DAO: variants seen among roughly 807,000 people sequenced by gnomAD.
The protein encoded by DAO is D-amino acid oxidase.
A neutral mutation model predicts 50.1 loss-of-function variants in DAO; 51 were observed. That is an observed-to-expected ratio of 1.02 (90% CI 0.81 to 1.29). The LOEUF (loss-of-function observed/expected upper bound fraction) is 1.29. Among genes scored for constraint, DAO ranks in the 50% most tolerant of loss-of-function variants. The pLI is 0.00. For missense variants in DAO, 436 were observed against 439.4 expected, an observed-to-expected ratio of 0.99 and a Z score of 0.07; for synonymous variants, 160 against 166.2, an observed-to-expected ratio of 0.96 and a Z score of 0.29.
At chr12:108,887,353 C>G in intron 2 of DAO, 97 bp from the exon 3 acceptor site, 2 of 883,564 alleles carry the variant, frequency 2.3e-6, no homozygotes, top group Non-Finnish European at 3.9e-6. Context: ...GGACACACCC[C>G]AAGCTCCTGA....
chr12:108,890,403 G>A (rs893404605), intron 5 of DAO, 130 bp downstream of exon 5: 23 of 733,542 alleles, frequency 3.1e-5, no homozygotes, highest in South Asian at 7.2e-5. Flanking sequence ...CCTGGTGTGG[G>A]AGCTATCCTT....
intron 1 of DAO, among the ~76,000 whole-genome samples, chr12:108,880,681 T>C (rs2039367690): frequency 1.3e-5 from 2 of 152,030 alleles, no homozygotes. Flanking sequence ...GAACTAATTA[T>C]GTTCATTCAA....
In DAO at chr12:108,899,379, T is replaced by C; in HGVS notation, c.816T>C (p.Asn272=). The C allele has an allele frequency of 6.2e-7, 1 of 1,612,786 alleles. No individual in the cohort carries two copies. The highest frequency in any genetic ancestry group is 8.5e-7 in the Non-Finnish European group (1 of 1,179,360). ...GCCRLEPTLK[N]ARIIGERTGF... is the part of the protein sequence containing the mutation. ...GTGATCAGCACTTTTCTTTCCAGAA[T>C]GCAAGAATTATTGGTGAACGAACTG... The change falls in exon 10 of 11, where the codon AAT becomes AAC. Residue 272 remains asparagine (N), a splice_region_variant and synonymous_variant. Coordinates refer to ENST00000228476, the MANE Select transcript of DAO (RefSeq NM_001917.5).
intron 2 of DAO, among the ~76,000 whole-genome samples, chr12:108,885,684 C>T (rs974272124): frequency 6.6e-6 from 1 of 152,176 alleles, no homozygotes; most frequent in South Asian, 2.1e-4. Flanking sequence ...GTCTCGTCTT[C>T]CCTAAACTGG....
At chr12:108,891,652 G>A (rs1398922728) in intron 5 of DAO, among the ~76,000 whole-genome samples, 3 of 151,858 alleles carry the variant, frequency 2.0e-5, no homozygotes, top group Non-Finnish European at 4.4e-5. Context: ...GGAGTGGGAT[G>A]TAGTGGTATG....
intron 3 of DAO, among the ~76,000 whole-genome samples, chr12:108,889,127 A>T (rs1427846764): frequency 6.8e-6 from 1 of 148,010 alleles, no homozygotes; most frequent in Non-Finnish European, 1.5e-5. Flanking sequence ...TTTTTTTGAG[A>T]TGAAGTCTCG....
chr12:108,881,768 C>A (rs1227306292), intron 1 of DAO, among the ~76,000 whole-genome samples: 1 of 151,750 alleles, frequency 6.6e-6, no homozygotes, highest in Non-Finnish European at 1.5e-5. Flanking sequence ...CCATGCCAAG[C>A]TAATTTTTTT....
At chr12:108,890,753 C>T (rs898333710) in intron 5 of DAO, among the ~76,000 whole-genome samples, 1 of 152,142 alleles carries the variant, frequency 6.6e-6, no homozygotes, top group Admixed American at 6.5e-5. Flanking sequence ...TCTAAATTAG[C>T]AAACACTCAC....
intron 1 of DAO, 97 bp downstream of exon 1, chr12:108,880,321 C>T (rs2039363174): frequency 2.8e-6 from 1 of 358,990 alleles, no homozygotes; most frequent in South Asian, 2.1e-5. Flanking sequence ...CAGGGCTCAA[C>T]ATTACAGCCT....
intron 10 of DAO, 127 bp downstream of exon 10, chr12:108,899,602 G>A (rs975872727): frequency 1.2e-6 from 1 of 801,582 alleles, no homozygotes. Flanking sequence ...GGCAGTGGTG[G>A]CTAATATCCC....
At chr12:108,883,855 C>T (rs959145229) in intron 1 of DAO, 59 of 291,114 alleles carry the variant, frequency 2.0e-4, no homozygotes, top group Middle Eastern at 7.0e-4. Context: ...GGGCTGGAGC[C>T]GTTTTCCCTC....
At chr12:108,892,546 C>CCT (rs2039503259) in intron 5 of DAO, among the ~76,000 whole-genome samples, 1 of 152,196 alleles carries the variant, frequency 6.6e-6, no homozygotes, top group Admixed American at 6.5e-5. Flanking sequence ...CAGCCCACCT[C>CCT]CCTCCTCATG....
chr12:108,896,681 G>C (rs2039564201), intron 7 of DAO, among the ~76,000 whole-genome samples: 1 of 152,180 alleles, frequency 6.6e-6, no homozygotes, highest in South Asian at 2.1e-4. Flanking sequence ...CTGGGGCCAA[G>C]AGGGGGTCTG....
intron 3 of DAO, among the ~76,000 whole-genome samples, chr12:108,887,850 C>T (rs746117370): frequency 7.2e-5 from 11 of 152,196 alleles, no homozygotes; most frequent in Admixed American, 5.2e-4. Flanking sequence ...TCTGCAGTGA[C>T]GGGCACTTGG....
intron 10 of DAO, 168 bp downstream of exon 10, chr12:108,899,643 A>C: frequency 1.4e-6 from 1 of 690,066 alleles, no homozygotes; most frequent in Non-Finnish European, 2.6e-6. Flanking sequence ...CTGAGGCTCA[A>C]TGATGGTTAA....
Position 108,893,012 on chromosome 12 carries a change from G to A in DAO, c.483G>A (p.Gln161=), listed in dbSNP as rs1566037864. The A allele has an allele frequency of 1.9e-6, 3 of 1,614,068 alleles. No individual in the cohort carries two copies. Among genetic ancestry groups the A allele is most frequent in the Non-Finnish European group, 2.5e-6 (3 of 1,179,990 alleles). ...RLTERGVKFF[Q]RKVESFEEVA... is the part of the protein sequence containing the mutation. ...CTGAGAGGGGAGTGAAGTTCTTCCAGCGGAAAGTGGAGTCTTTTGAGGAGG... is the reference window on the plus strand; with the variant it reads ...CTGAGAGGGGAGTGAAGTTCTTCCAACGGAAAGTGGAGTCTTTTGAGGAGG... The change falls in exon 6 of 11, where the codon CAG becomes CAA. Residue 161 remains glutamine (Q), a synonymous_variant. Coordinates refer to ENST00000228476, the MANE Select transcript of DAO (RefSeq NM_001917.5).
chr12:108,888,422 G>A (rs570225779), intron 3 of DAO, among the ~76,000 whole-genome samples: 7 of 151,310 alleles, frequency 4.6e-5, no homozygotes, highest in South Asian at 2.1e-4. Flanking sequence ...TGCAACCTCT[G>A]CTTCCTGGGT....
Position 108,899,378 on chromosome 12 carries a change from A to C in DAO, c.815A>C (p.Asn272Thr). Reference sequence around the variant, plus strand: ...AGTGATCAGCACTTTTCTTTCCAGAATGCAAGAATTATTGGTGAACGAACT... The same window carrying C: ...AGTGATCAGCACTTTTCTTTCCAGACTGCAAGAATTATTGGTGAACGAACT... ...GCCRLEPTLK[N>T]ARIIGERTGF... The change falls in exon 10 of 11, where the codon AAT becomes ACT. Residue 272 changes from asparagine to threonine, a missense_variant and splice_region_variant. Coordinates refer to ENST00000228476, the MANE Select transcript of DAO (RefSeq NM_001917.5). The C allele has an allele frequency of 1.9e-6, 3 of 1,612,770 alleles. No individual in the cohort carries two copies. The highest frequency in any genetic ancestry group is 1.7e-6 in the Non-Finnish European group (2 of 1,179,288).
At chr12:108,883,764 GC>G (rs2039405667) in intron 1 of DAO, 1 of 400,626 alleles carries the variant, frequency 2.5e-6, no homozygotes, top group African/African-American at 2.1e-5. Context: ...AAGGAGAATT[GC>G]CTAGAGGAAC....
Sources: gnomAD v4.1 joint callset for allele counts (sites outside exome capture counted in the v4.1 genomes callset) on GRCh38, gnomAD v4.1.1 for gene constraint, MANE v1.5 for transcripts, NCBI Gene and HGNC (gene_info 2026-07-23, HGNC 2026-07-21) for gene names.